CPLX3: variants seen among roughly 807,000 people sequenced by gnomAD.
The protein encoded by CPLX3 is complexin-3.
CPLX3 carries 12 observed loss-of-function variants against 17.2 expected under a neutral mutation model. The observed-to-expected ratio is 0.70, with a 90% CI of 0.45 to 1.13. The LOEUF is 1.13. CPLX3 is among the 50% of genes most tolerant of loss of function. The pLI, the probability that CPLX3 is intolerant of heterozygous loss-of-function variation, is 0.00. For missense variants in CPLX3, 172 were observed against 203.2 expected (o/e 0.85, Z 0.93); for synonymous variants, 75 against 79.4 (o/e 0.94, Z 0.29).
At position 74,830,720 on chromosome 15, in the gene CPLX3, T is replaced by G; in HGVS notation, c.*366T>G. The G allele has an allele frequency of 4.9e-6, 1 of 204,784 alleles. No individual in the cohort carries two copies. Among genetic ancestry groups the G allele is most frequent in the Non-Finnish European group, 1.0e-5 (1 of 99,436 alleles). The allele number at this position is 204,784 out of a possible 1,614,324, so 12.7% of individuals were successfully genotyped here. The stretch of plus-strand genomic sequence containing the variant: ...CACGTTCAGAGACAGAAGCCACAGA[T>G]ACATCCCGGCACAGACAGACACACA... On this transcript the variant is annotated 3_prime_UTR_variant, in exon 3 of 3. Transcript: ENST00000395018.
At chr15:74,828,202 C>T (rs561105344) in intron 2 of CPLX3, 81 bp downstream of exon 2, 57 of 1,063,148 alleles carry the variant, frequency 5.4e-5, no homozygotes, top group Non-Finnish European at 7.8e-5. Context: ...CTGGGCACCA[C>T]AGCCCTCAGC....
In CPLX3 at chr15:74,830,689, C is replaced by T. The variant is rs1324020725; in HGVS notation, c.*335C>T. The T allele has an allele frequency of 4.0e-6, 1 of 248,124 alleles. No individual in the cohort carries two copies. The highest frequency in any genetic ancestry group is 2.2e-5 in the African/African-American group (1 of 44,836). The allele number at this position is 248,124 out of a possible 1,614,324, so 15.4% of individuals were successfully genotyped here. On this transcript the variant is annotated 3_prime_UTR_variant, in exon 3 of 3. Coordinates refer to ENST00000395018, the MANE Select transcript of CPLX3 (RefSeq NM_001030005.3). ...GAGAGACACACACAGGACACAAAAC[C>T]CCTGGCACGTTCAGAGACAGAAGCC...
intron 1 of CPLX3, 60 bp from the exon 2 acceptor site, chr15:74,827,974 G>T: frequency 7.1e-7 from 1 of 1,404,202 alleles, no homozygotes; most frequent in Admixed American, 2.0e-5. Flanking sequence ...TCCCTCCCTC[G>T]AAGACCTCAA....
chr15:74,830,422 A>G lies in CPLX3; in HGVS notation c.*68A>G. 1 of 1,302,190 alleles carries G rather than the reference A, an allele frequency of 7.7e-7. No individual in the cohort carries two copies. The highest frequency in any genetic ancestry group is 1.3e-5 in the South Asian group (1 of 77,556). 80.7% of individuals were successfully genotyped at this position (1,302,190 alleles called of 1,614,324 possible). A position where few individuals can be genotyped will look rare whatever the true frequency, so the allele number is the denominator to read the frequency against. On this transcript the variant is annotated 3_prime_UTR_variant, in exon 3 of 3. Coordinates refer to ENST00000395018, the MANE Select transcript of CPLX3 (RefSeq NM_001030005.3). ...GCTAAGAGTGTGTCAACTTCCAGGGACCCATACTCCATTTGGGGCTTTGTT... is the reference window on the plus strand; with the variant it reads ...GCTAAGAGTGTGTCAACTTCCAGGGGCCCATACTCCATTTGGGGCTTTGTT...
intron 2 of CPLX3, 59 bp downstream of exon 2, chr15:74,828,180 C>T (rs2063952517): frequency 6.5e-6 from 9 of 1,394,064 alleles, no homozygotes; most frequent in Non-Finnish European, 9.0e-6. Flanking sequence ...TTCTGGACTC[C>T]TTCGCCCCAT....
In CPLX3 at chr15:74,826,647, C is replaced by A. The variant is rs2063944045; in HGVS notation, c.-57C>A. The A allele has an allele frequency of 1.3e-6, 2 of 1,569,070 alleles. No homozygotes were observed. Among genetic ancestry groups the A allele is most frequent in the South Asian group, 1.1e-5 (1 of 88,818 alleles). ...AACCTAGTGCTGAAGTAGGCGCGGA[C>A]GTGCCCGGTGCCTGGCGCGTGGTAG... On this transcript the variant is annotated 5_prime_UTR_variant, in exon 1 of 3. Transcript: ENST00000395018. The surrounding 1 kb of genome is among the most constrained non-coding windows in gnomAD (Gnocchi z 5.0).
Position 74,830,450 on chromosome 15 carries a change from C to T in CPLX3, c.*96C>T. ...CATACTCCATTTGGGGCTTTGTTTC[C>T]CTTGCCCCATCCTAGTTCCAAGACC... On this transcript the variant is annotated 3_prime_UTR_variant, in exon 3 of 3. Transcript: ENST00000395018. 9.7e-7 allele frequency: 1 copy of T among 1,029,400 alleles called. No homozygotes were observed. Among genetic ancestry groups the T allele is most frequent in the Non-Finnish European group, 1.4e-6 (1 of 693,602 alleles). The allele number at this position is 1,029,400 out of a possible 1,614,324, so 63.8% of individuals were successfully genotyped here. A position where few individuals can be genotyped will look rare whatever the true frequency, so the allele number is the denominator to read the frequency against.
chr15:74,827,139 C>A (rs886223628), intron 1 of CPLX3, among the ~76,000 whole-genome samples: 1 of 152,220 alleles, frequency 6.6e-6, no homozygotes, highest in African/African-American at 2.4e-5. Context: ...GAAGGGGGTG[C>A]ACGTGCGTTT....
intron 2 of CPLX3, among the ~76,000 whole-genome samples, chr15:74,828,519 G>T (rs1025415113): frequency 6.6e-6 from 1 of 152,202 alleles, no homozygotes; most frequent in African/African-American, 2.4e-5. Flanking sequence ...CTACTGAAGG[G>T]CAGAACTTAC....
In CPLX3 at chr15:74,828,165, C is replaced by T. The variant is rs964137096; in HGVS notation, c.252+44C>T. The T allele has an allele frequency of 6.0e-6, 9 of 1,503,478 alleles. No homozygotes were observed. In the East Asian group the frequency reaches 2.2e-4, roughly 37 times the overall value. The allele number at this position is 1,503,478 out of a possible 1,614,324, so 93.1% of individuals were successfully genotyped here. On this transcript the variant is annotated intron_variant, in intron 2 of 2. Coordinates refer to ENST00000395018, the MANE Select transcript of CPLX3 (RefSeq NM_001030005.3). ...TGAGGCACATCTGGGACCCTGAGCT[C>T]TGGGTTCTGGACTCCTTCGCCCCAT... is the stretch of plus-strand genomic sequence containing the variant.
rs1406082478 is a variant in CPLX3 at position 74,831,440 on chromosome 15, G to A, written c.*1086G>A. Reference sequence around the variant, plus strand: ...GTCTGGGGCTTATGAAATAGGTCTGGGCTTTGAGGAGGATGGAGCAGCCTC... The same window carrying A: ...GTCTGGGGCTTATGAAATAGGTCTGAGCTTTGAGGAGGATGGAGCAGCCTC... On this transcript the variant is annotated 3_prime_UTR_variant, in exon 3 of 3. Coordinates refer to ENST00000395018, the MANE Select transcript of CPLX3 (RefSeq NM_001030005.3). The A allele has an allele frequency of 6.6e-6, 1 of 152,430 alleles. No individual in the cohort carries two copies. The highest frequency in any genetic ancestry group is 2.4e-5 in the African/African-American group (1 of 41,434). The allele number at this position is 152,430 out of a possible 1,614,324, so 9.4% of individuals were successfully genotyped here.
chr15:74,829,324 G>A (rs574091351), intron 2 of CPLX3, among the ~76,000 whole-genome samples: 1 of 152,256 alleles, frequency 6.6e-6, no homozygotes, highest in East Asian at 1.9e-4. Context: ...CAGAAGAATA[G>A]TGAAGGGCAA....
chr15:74,829,334 A>G (rs542134127), intron 2 of CPLX3, among the ~76,000 whole-genome samples: 2 of 152,318 alleles, frequency 1.3e-5, no homozygotes, highest in East Asian at 1.9e-4. Flanking sequence ...GTGAAGGGCA[A>G]TGGTCATCGT....
Position 74,830,171 on chromosome 15 carries a change from C to T in CPLX3, c.294C>T (p.Asp98=), listed in dbSNP as rs143709534. Residue 98 remains aspartate (D), a synonymous_variant, in exon 3 of 3, where the codon GAC becomes GAT. Coordinates refer to ENST00000395018, the MANE Select transcript of CPLX3 (RefSeq NM_001030005.3). The stretch of plus-strand genomic sequence containing the variant: ...GCCAGATCCAGATGGCAGGTGGAGA[C>T]GTGGAGCTGCCCCGGGAGCTGGCCA... ...DESQIQMAGG[D]VELPRELAKM... 60 of 1,613,826 alleles carry T rather than the reference C, an allele frequency of 3.7e-5. No homozygotes were observed. The highest frequency in any genetic ancestry group is 3.6e-4 in the African/African-American group (27 of 74,950).
At position 74,826,889 on chromosome 15, in the gene CPLX3, C is replaced by G. The variant is rs2063945944; in HGVS notation, c.164+22C>G. ...AGAAGTGAGTGGGATCCCTTCCTGG[C>G]TCCAACGACCTCCCCTCCCCACCCC... On this transcript the variant is annotated intron_variant, in intron 1 of 2. Transcript: ENST00000395018. This position sits in a 1 kb window ranked among gnomAD's most constrained non-coding sequence, Gnocchi z 5.0. 1 of 1,588,786 alleles carries G rather than the reference C, an allele frequency of 6.3e-7. No homozygotes were observed. The highest frequency in any genetic ancestry group is 1.7e-5 in the Admixed American group (1 of 57,644).
intron 2 of CPLX3, among the ~76,000 whole-genome samples, chr15:74,829,718 T>C (rs1170677991): frequency 6.6e-6 from 1 of 152,182 alleles, no homozygotes; most frequent in Admixed American, 6.5e-5. Flanking sequence ...GACTCATAGG[T>C]ATTTTCATTT....
Position 74,830,210 on chromosome 15 carries a change from G to C in CPLX3, c.333G>C (p.Glu111Asp), listed in dbSNP as rs780901157. ...GGGAGCTGGCCAAGATGATCGAGGAGGACACAGAGGAGGAGGAGGAGAAGG... is the reference window on the plus strand; with the variant it reads ...GGGAGCTGGCCAAGATGATCGAGGACGACACAGAGGAGGAGGAGGAGAAGG... The part of the protein sequence containing the change: ...LPRELAKMIE[E>D]DTEEEEEKAS... Residue 111 changes from glutamate (E) to aspartate (D), a missense_variant, in exon 3 of 3, where the codon GAG becomes GAC. Glu to Asp is a conservative substitution (Grantham distance 45). Transcript: ENST00000395018. 2 of 1,613,866 alleles carry C rather than the reference G, an allele frequency of 1.2e-6. No homozygotes were observed. The highest frequency in any genetic ancestry group is 2.7e-5 in the African/African-American group (2 of 74,910).
intron 2 of CPLX3, among the ~76,000 whole-genome samples, chr15:74,829,461 AG>A (rs1293882318): frequency 5.3e-5 from 8 of 152,218 alleles, no homozygotes; most frequent in Admixed American, 5.2e-4. Flanking sequence ...TACTTAAGTT[AG>A]TTAAGTAACT....
Position 74,830,383 on chromosome 15 carries a change from G to A in CPLX3, c.*29G>A, listed in dbSNP as rs1286665615. ...CTTCCCCGGGGTTACCCACTGGGCT[G>A]GGCCCCCATGAGGGCTAAGAGTGTG... On this transcript the variant is annotated 3_prime_UTR_variant, in exon 3 of 3. Coordinates refer to ENST00000395018, the MANE Select transcript of CPLX3 (RefSeq NM_001030005.3). 6.3e-7 allele frequency: 1 copy of A among 1,580,402 alleles called. No individual in the cohort carries two copies. The highest frequency in any genetic ancestry group is 8.6e-7 in the Non-Finnish European group (1 of 1,157,962).
Sources: allele counts gnomAD v4.1 joint callset (sites outside exome capture counted in the v4.1 genomes callset), GRCh38; gene constraint gnomAD v4.1.1; non-coding constraint Gnocchi (gnomAD v3.1); transcripts MANE v1.5; gene names NCBI Gene and HGNC (gene_info 2026-07-23, HGNC 2026-07-21).